The following PCDH15 variants were observed in gnomAD, a reference collection of about 807,000 sequenced individuals.
PCDH15 encodes the protein protocadherin related 15, also known as protocadherin-15.
PCDH15 carries 129 observed loss-of-function variants against 178.5 expected under a neutral mutation model. That is an observed-to-expected ratio of 0.72 (90% confidence interval 0.63 to 0.84). PCDH15 has a LOEUF of 0.84. PCDH15 is among the 40% of genes least tolerant of loss of function. PCDH15 has a pLI of 0.00. For missense variants in PCDH15, 2,230 were observed against 2,099.9 expected, an observed-to-expected ratio of 1.06 and a Z score of -1.21; for synonymous variants, 800 against 732.0, an observed-to-expected ratio of 1.09 and a Z score of -1.50.
chr10:54,180,548 A>C (rs948784551), intron 13 of PCDH15, among the ~76,000 whole-genome samples: 2 of 152,148 alleles, frequency 1.3e-5, no homozygotes, highest in Admixed American at 6.5e-5. Flanking sequence ...CCACAAAGTA[A>C]ACTGATGTAT....
chr10:54,100,602 G>A (rs1381843402), intron 15 of PCDH15, among the ~76,000 whole-genome samples: 1 of 152,090 alleles, frequency 6.6e-6, no homozygotes, highest in Non-Finnish European at 1.5e-5. Flanking sequence ...ATAGTGCTTA[G>A]CATGCATTTA....
intron 1 of PCDH15, among the ~76,000 whole-genome samples, chr10:55,170,973 CTGA>C (rs1423364091): frequency 6.6e-6 from 1 of 152,182 alleles, no homozygotes; most frequent in Non-Finnish European, 1.5e-5. Flanking sequence ...ACCTCACTTC[CTGA>C]TGTATCTCCT....
intron 2 of PCDH15, among the ~76,000 whole-genome samples, chr10:55,044,455 CAGTT>C (rs1295822741): frequency 3.3e-5 from 5 of 151,776 alleles, no homozygotes; most frequent in Admixed American, 3.3e-4. Flanking sequence ...TTCACAAAAT[CAGTT>C]AGTTCATTTT....
At chr10:54,152,684 C>CTG (rs553644491) in intron 14 of PCDH15, among the ~76,000 whole-genome samples, 10,069 of 149,236 alleles carry the variant, frequency 0.067, 390 homozygotes, top group East Asian at 0.12. Flanking sequence ...TTTTAGCTTG[C>CTG]TGTGTGTGTG....
chr10:55,523,892 T>G (rs1205141000), intron 2 of PCDH15, among the ~76,000 whole-genome samples: 1 of 151,564 alleles, frequency 6.6e-6, no homozygotes, highest in Admixed American at 6.6e-5. Flanking sequence ...TATAAACAAA[T>G]AAAATTTAAA....
intron 18 of PCDH15, among the ~76,000 whole-genome samples, chr10:54,040,045 T>G (rs2093507188): frequency 6.6e-6 from 1 of 152,194 alleles, no homozygotes; most frequent in East Asian, 1.9e-4. Context: ...ATTTTGTTAT[T>G]TAGTCATGCA....
chr10:54,754,997 G>C (rs1461504927), intron 1 of PCDH15, among the ~76,000 whole-genome samples: 1 of 125,112 alleles, frequency 8.0e-6, no homozygotes, highest in Non-Finnish European at 1.6e-5. Context: ...CACCCAGGCT[G>C]AAGTGCAATG....
chr10:53,823,325 C>T (rs149914859), intron 32 of PCDH15: 5 of 1,613,582 alleles, frequency 3.1e-6, no homozygotes, highest in African/African-American at 1.3e-5. Context: ...AGTTATTTCC[C>T]CTGCTTTGTT....
intron 25 of PCDH15, among the ~76,000 whole-genome samples, chr10:53,917,489 A>T (rs556495897): frequency 6.6e-6 from 1 of 152,348 alleles, no homozygotes. Flanking sequence ...ACAATCAAAG[A>T]TGCAAAAAGA....
intron 17 of PCDH15, among the ~76,000 whole-genome samples, chr10:54,069,527 A>C (rs2094200071): frequency 6.6e-6 from 1 of 152,230 alleles, no homozygotes; most frequent in Admixed American, 6.5e-5. Context: ...AGAAATGTAC[A>C]GTCACATCTA....
At chr10:54,016,077 A>C (rs952220003) in intron 20 of PCDH15, among the ~76,000 whole-genome samples, 1 of 152,166 alleles carries the variant, frequency 6.6e-6, no homozygotes, top group Admixed American at 6.5e-5. Flanking sequence ...ACAAGCAAAA[A>C]GCAAACCTCC....
chr10:54,340,391 C>T (rs1942004883), intron 6 of PCDH15, among the ~76,000 whole-genome samples: 1 of 152,096 alleles, frequency 6.6e-6, no homozygotes, highest in South Asian at 2.1e-4. Flanking sequence ...AAAGCAAATA[C>T]TTTTCTCCAG....
At chr10:54,411,609 G>T (rs1368864188) in intron 3 of PCDH15, among the ~76,000 whole-genome samples, 2 of 152,134 alleles carry the variant, frequency 1.3e-5, no homozygotes, top group Non-Finnish European at 2.9e-5. Context: ...TTTGCAGTGT[G>T]ACTAGAAAAT....
rs1591095476 is a variant in PCDH15, at chr10:54,195,820, TG to T, written c.1167del (p.Asn389LysfsTer32). ...AGLHIEILDE[N>X]NQSPYFTMPS... Reference sequence around the variant, plus strand: ...GGCATTGTAAAATATGGACTTTGATTGTTTTCATCCAGTATTTCAATGTGTA... The same window carrying T: ...GGCATTGTAAAATATGGACTTTGATTTTTTCATCCAGTATTTCAATGTGTA... On this transcript the variant is annotated frameshift_variant, in exon 11 of 38. Transcript: ENST00000644397. LOFTEE classifies it high-confidence loss of function. 6.2e-7 allele frequency: 1 copy of T among 1,614,064 alleles called. No homozygotes were observed. Among genetic ancestry groups the T allele is most frequent in the Non-Finnish European group, 8.5e-7 (1 of 1,179,942 alleles).
intron 1 of PCDH15, among the ~76,000 whole-genome samples, chr10:54,724,150 A>T (rs1353982373): frequency 6.6e-6 from 1 of 151,820 alleles, no homozygotes; most frequent in Non-Finnish European, 1.5e-5. Flanking sequence ...AGTGTCCAAC[A>T]GCAGTTGACT....
rs551548951 is a variant in PCDH15, at chr10:53,808,316, T to C, written c.4672-1186A>G. 25 of 511,852 alleles carry C rather than the reference T, an allele frequency of 4.9e-5. No individual in the cohort carries two copies. The East Asian group carries it at 4.3e-3, about 87-fold the overall frequency. The allele number at this position is 511,852 out of a possible 1,614,324, so 31.7% of individuals were successfully genotyped here. A position where few individuals can be genotyped will look rare whatever the true frequency, so the allele number is the denominator to read the frequency against. On this transcript the variant is annotated intron_variant, in intron 37 of 37. Coordinates refer to ENST00000644397, the MANE Select transcript of PCDH15 (RefSeq NM_001384140.1). ...TTTTGAAAGATGATATAAAAACATA[T>C]ATAGTGTGTGTGTGTATATATATAT...
chr10:55,596,996 A>G (rs1453082216), intron 2 of PCDH15: 1 of 152,184 alleles, frequency 6.6e-6, no homozygotes, highest in Non-Finnish European at 1.5e-5. Context: ...ACAAACTGGG[A>G]GAAAATATTT....
Position 55,585,080 on chromosome 10 carries a change from T to C in PCDH15, c.-156+42545A>G, listed in dbSNP as rs1842699301. On this transcript the variant is annotated intron_variant, in intron 2 of 5. Coordinates refer to the PCDH15 transcript ENST00000613346. The stretch of plus-strand genomic sequence containing the variant: ...TACTATATAAAATTAATTCCTTATA[T>C]GTATATTTATGGAATTATTGTAGCC... Among the ~76,000 whole-genome samples, 3 of 151,636 alleles carry C rather than the reference T, an allele frequency of 2.0e-5. No homozygotes were observed. The South Asian group carries it at 6.2e-4, about 31-fold the overall frequency.
At chr10:54,907,051 C>T (rs897747765) in intron 2 of PCDH15, among the ~76,000 whole-genome samples, 5 of 152,120 alleles carry the variant, frequency 3.3e-5, no homozygotes, top group African/African-American at 1.2e-4. Flanking sequence ...TGCACCATCA[C>T]TCTGCATTTT....
Sources: gnomAD v4.1 joint callset for allele counts (sites outside exome capture counted in the v4.1 genomes callset) on GRCh38, gnomAD v4.1.1 for gene constraint, MANE v1.5 for transcripts, NCBI Gene and HGNC (gene_info 2026-07-23, HGNC 2026-07-21) for gene names.